ZNF451: variants seen among roughly 807,000 people sequenced by gnomAD.
The protein encoded by ZNF451 is E3 SUMO-protein ligase ZNF451.
A neutral mutation model predicts 107.1 loss-of-function variants in ZNF451; 80 were observed. The observed-to-expected ratio is 0.75, with a 90% CI of 0.62 to 0.90. The LOEUF (loss-of-function observed/expected upper bound fraction) is 0.90, where lower values mean the gene tolerates loss of function less well. Among genes scored for constraint, ZNF451 ranks in the 40% least tolerant of loss-of-function variants. ZNF451 has a pLI of 0.00. For synonymous variants in ZNF451, 362 were observed against 406.5 expected (o/e 0.89, Z 1.32); for missense variants, 1,107 against 1,236.2 (o/e 0.90, Z 1.57).
chr6:57,103,106 G>A, intron 3 of ZNF451: 1 of 985,358 alleles, frequency 1.0e-6, no homozygotes, highest in Non-Finnish European at 1.2e-6. Context: ...TGGAAATAAA[G>A]GATGTTACAC....
chr6:57,134,447 C>A (rs142644565), intron 6 of ZNF451, among the ~76,000 whole-genome samples: 10 of 152,298 alleles, frequency 6.6e-5, no homozygotes, highest in African/African-American at 9.6e-5. Flanking sequence ...GCTGGACTTA[C>A]AATTTTCAAA....
rs754443969 is a variant in ZNF451 at position 57,147,945 on chromosome 6, T to A, written c.1860T>A (p.Tyr620Ter). Residue 620 changes from tyrosine (Y) to a stop codon, truncating the protein, a stop_gained, in exon 10 of 15, where the codon TAT (tyrosine) becomes TAA (stop). Transcript: ENST00000370706. LOFTEE classifies it high-confidence loss of function. ...ICEDMFDSQE[Y>*]VKQHCMSLAS... ...AAGATATGTTTGATTCCCAGGAATA[T>A]GTAAAACAGCACTGCATGTCTTTGG... 1 of 1,614,158 alleles carries A rather than the reference T, an allele frequency of 6.2e-7. No individual in the cohort carries two copies. The highest frequency in any genetic ancestry group is 1.1e-5 in the South Asian group (1 of 91,082).
intron 13 of ZNF451, 124 bp downstream of exon 13, chr6:57,154,171 C>T (rs12201039): frequency 0.12 from 108,282 of 874,152 alleles, 7,660 homozygotes; most frequent in Middle Eastern, 0.19. Flanking sequence ...TGTTCTCTTA[C>T]TTCTATCTTA....
At chr6:57,118,815 C>G (rs892319601) in intron 3 of ZNF451, among the ~76,000 whole-genome samples, 4 of 152,182 alleles carry the variant, frequency 2.6e-5, no homozygotes, top group African/African-American at 7.2e-5. Flanking sequence ...TTTGCCTGTA[C>G]TAAGGGATCA....
chr6:57,160,374 C>T (rs995930564), intron 13 of ZNF451, among the ~76,000 whole-genome samples: 2 of 151,778 alleles, frequency 1.3e-5, no homozygotes, highest in Admixed American at 1.3e-4. Flanking sequence ...ACTCTTGTCA[C>T]TCAGGTTGGA....
chr6:57,139,447 G>A lies in ZNF451; in HGVS notation c.703-1855G>A, dbSNP rs574406228. Among the ~76,000 whole-genome samples, 14 of 152,046 alleles carry A rather than the reference G, an allele frequency of 9.2e-5. No individual in the cohort carries two copies. In the South Asian group the frequency reaches 2.7e-3, roughly 29 times the overall value. On this transcript the variant is annotated intron_variant, in intron 7 of 14. Transcript: ENST00000370706. ...TCAGTGTGGTTCCTGACATGTGCTC[G>A]GTATAAATAAAAATTTTTTATCTCT...
chr6:57,153,471 C>T (rs1380152095), intron 12 of ZNF451, among the ~76,000 whole-genome samples: 3 of 150,878 alleles, frequency 2.0e-5, no homozygotes, highest in Admixed American at 6.6e-5. Context: ...TGCAGTGGCG[C>T]GATCTTGGCT....
At position 57,133,318 on chromosome 6, in the gene ZNF451, A is replaced by G. The variant is rs1831272148; in HGVS notation, c.575+126A>G. The G allele has an allele frequency of 3.1e-6, 3 of 964,898 alleles. No homozygotes were observed. In the Admixed American group the frequency reaches 8.4e-5, roughly 27 times the overall value. The allele number at this position is 964,898 out of a possible 1,614,324, so 59.8% of individuals were successfully genotyped here. A position where few individuals can be genotyped will look rare whatever the true frequency, so the allele number is the denominator to read the frequency against. ...TAGCTTTATATTCCAAACTCAAATT[A>G]TTTTGTGCCATTATGATATAATTTT... On this transcript the variant is annotated intron_variant, in intron 6 of 14. Transcript: ENST00000370706.
chr6:57,139,467 A>C (rs1050400308), intron 7 of ZNF451, among the ~76,000 whole-genome samples: 2 of 152,176 alleles, frequency 1.3e-5, no homozygotes, highest in Non-Finnish European at 2.9e-5. Context: ...AAAATTTTTT[A>C]TCTCTCTTCT....
chr6:57,098,980 CA>C (rs557350083), intron 2 of ZNF451, 80 bp from the exon 3 acceptor site: 147 of 1,137,678 alleles, frequency 1.3e-4, no homozygotes, highest in South Asian at 1.7e-4. Flanking sequence ...CAGTCCCAAC[CA>C]AAAAAAACAC....
chr6:57,109,735 A>G, intron 3 of ZNF451: 1 of 933,614 alleles, frequency 1.1e-6, no homozygotes, highest in Non-Finnish European at 1.3e-6. Context: ...TTTCTCAAGT[A>G]CAAGCTAAGA....
intron 14 of ZNF451, among the ~76,000 whole-genome samples, chr6:57,162,528 G>A (rs892084701): frequency 6.6e-6 from 1 of 152,202 alleles, no homozygotes; most frequent in African/African-American, 2.4e-5. Context: ...TCAAGGTCTA[G>A]CTCAACGCTT....
chr6:57,150,537 C>G (rs1341033769), intron 10 of ZNF451, 182 bp from the exon 11 acceptor site: 10 of 465,108 alleles, frequency 2.2e-5, no homozygotes, highest in Non-Finnish European at 3.2e-5. Flanking sequence ...TTATTTTTAT[C>G]TGATTTAAGT....
Position 57,100,153 on chromosome 6 carries a change from G to A in ZNF451, c.186+1012G>A, listed in dbSNP as rs531852951. Reference sequence around the variant, plus strand: ...AGGTGCCTAAAATGACTCTAATGGGGGAGTTTTAGATTTTTTTTCTTCTCA... The same window carrying A: ...AGGTGCCTAAAATGACTCTAATGGGAGAGTTTTAGATTTTTTTTCTTCTCA... On this transcript the variant is annotated intron_variant, in intron 3 of 14. Coordinates refer to ENST00000370706, the MANE Select transcript of ZNF451 (RefSeq NM_001031623.3). Among the ~76,000 whole-genome samples the A allele has an allele frequency of 3.3e-5, 5 of 152,160 alleles. No homozygotes were observed. In the South Asian group the frequency reaches 1.0e-3, roughly 32 times the overall value.
chr6:57,152,988 A>G (rs1477566470), intron 12 of ZNF451, among the ~76,000 whole-genome samples: 2 of 152,172 alleles, frequency 1.3e-5, no homozygotes, highest in East Asian at 3.9e-4. Flanking sequence ...GCCTAGACAG[A>G]ATTTGCATTT....
intron 8 of ZNF451, 91 bp from the exon 9 acceptor site, chr6:57,141,857 C>G: frequency 3.6e-6 from 4 of 1,113,524 alleles, no homozygotes; most frequent in Middle Eastern, 4.6e-4. Flanking sequence ...TTTACTTACT[C>G]CAACTAATGT....
intron 2 of ZNF451, among the ~76,000 whole-genome samples, chr6:57,094,246 C>T (rs1025927949): frequency 9.2e-5 from 14 of 152,134 alleles, no homozygotes; most frequent in Non-Finnish European, 1.5e-5. Context: ...ACATGTGCTT[C>T]TGCCCCTAAA....
chr6:57,122,212 A>G (rs1184766887), intron 3 of ZNF451, among the ~76,000 whole-genome samples: 1 of 152,152 alleles, frequency 6.6e-6, no homozygotes, highest in African/African-American at 2.4e-5. Flanking sequence ...ACCTCTCACC[A>G]TATATAAAAA....
intron 6 of ZNF451, among the ~76,000 whole-genome samples, chr6:57,133,472 A>C (rs915223946): frequency 2.6e-5 from 4 of 152,212 alleles, no homozygotes; most frequent in Non-Finnish European, 5.9e-5. Context: ...ATCAAAATCC[A>C]GATAGGTTAG....
Sources: allele counts gnomAD v4.1 joint callset (sites outside exome capture counted in the v4.1 genomes callset), GRCh38; gene constraint gnomAD v4.1.1; transcripts MANE v1.5; gene names NCBI Gene and HGNC (gene_info 2026-07-23, HGNC 2026-07-21).